Variants in UVRAG observed in about 807,000 individuals in gnomAD.
The protein encoded by UVRAG is UV radiation resistance associated.
In UVRAG, 19 loss-of-function variants were observed where a neutral mutation model predicts 78.0. The ratio of observed to expected loss-of-function variants is 0.24; its 90% CI spans 0.17 to 0.36. UVRAG has a LOEUF of 0.36. UVRAG is among the 10% of genes least tolerant of loss of function. The pLI is 1.00. For missense variants in UVRAG, 740 were observed against 853.8 expected (o/e 0.87, Z 1.66); for synonymous variants, 323 against 324.6 (o/e 1.00, Z 0.05).
intron 4 of UVRAG, among the ~76,000 whole-genome samples, chr11:75,880,737 T>G (rs1946923212): frequency 6.6e-6 from 1 of 151,692 alleles, no homozygotes. Context: ...TGTATTTTAG[T>G]AGAGACAGGG....
intron 13 of UVRAG, among the ~76,000 whole-genome samples, chr11:76,097,773 A>T (rs1323862976): frequency 6.6e-6 from 1 of 152,210 alleles, no homozygotes; most frequent in East Asian, 1.9e-4. Flanking sequence ...TTGTTACCAT[A>T]GCTAGTTTAT....
At chr11:75,822,009 A>G (rs1352773809) in intron 1 of UVRAG, among the ~76,000 whole-genome samples, 5 of 149,832 alleles carry the variant, frequency 3.3e-5, no homozygotes, top group East Asian at 2.0e-4. Context: ...CAATGGCACA[A>G]TGTCAGCTCA....
intron 6 of UVRAG, among the ~76,000 whole-genome samples, chr11:75,955,585 T>G (rs1284553431): frequency 2.0e-5 from 3 of 152,106 alleles, no homozygotes; most frequent in Non-Finnish European, 4.4e-5. Flanking sequence ...TCTGTGAGTT[T>G]TGGTGTACTC....
At chr11:76,114,629 A>G (rs6592627) in intron 13 of UVRAG, among the ~76,000 whole-genome samples, 15,857 of 152,264 alleles carry the variant, frequency 0.1, 1,927 homozygotes, top group African/African-American at 0.3. Flanking sequence ...CAAACCATTC[A>G]GGAGACCCAG....
chr11:75,888,876 A>G lies in UVRAG; in HGVS notation c.480A>G (p.Gly160=), dbSNP rs147603771. 743 of 1,613,728 alleles carry G rather than the reference A, an allele frequency of 4.6e-4. 2 individuals are homozygous for G. Among genetic ancestry groups the G allele is most frequent in the Non-Finnish European group, 6.0e-4 (713 of 1,179,850 alleles). Residue 160 remains glycine (G), a synonymous_variant, in exon 5 of 15, where the codon GGA becomes GGG. Coordinates refer to ENST00000356136, the MANE Select transcript of UVRAG (RefSeq NM_003369.4). The stretch of plus-strand genomic sequence containing the variant: ...AAATAATTTTTGGGCTGAATGATGG[A>G]TACTATGGTGCTCCATTTGAACATA... ...QNEIIFGLND[G]YYGAPFEHKG... is the part of the protein sequence containing the mutation.
At chr11:76,005,186 A>G (rs899325222) in intron 9 of UVRAG, among the ~76,000 whole-genome samples, 1 of 152,188 alleles carries the variant, frequency 6.6e-6, no homozygotes, top group African/African-American at 2.4e-5. Flanking sequence ...TACTAAAAAT[A>G]CAAAAAATTA....
chr11:75,864,744 G>T (rs1166726409), intron 3 of UVRAG, among the ~76,000 whole-genome samples: 1 of 152,208 alleles, frequency 6.6e-6, no homozygotes, highest in East Asian at 1.9e-4. Flanking sequence ...TCCTGAAACT[G>T]CAAATCTTCA....
At chr11:75,922,579 A>C (rs1278448794) in intron 6 of UVRAG, among the ~76,000 whole-genome samples, 1 of 152,236 alleles carries the variant, frequency 6.6e-6, no homozygotes, top group Non-Finnish European at 1.5e-5. Flanking sequence ...AGTAATAGGC[A>C]TTGTGACCAT....
intron 7 of UVRAG, among the ~76,000 whole-genome samples, chr11:75,963,278 A>G (rs894840795): frequency 2.5e-4 from 38 of 152,204 alleles, no homozygotes; most frequent in African/African-American, 8.7e-4. Context: ...TAGGTGCTCA[A>G]TAAGTATTTG....
chr11:76,119,264 C>G (rs1952235276), intron 14 of UVRAG, among the ~76,000 whole-genome samples: 1 of 152,198 alleles, frequency 6.6e-6, no homozygotes, highest in African/African-American at 2.4e-5. Context: ...TCCTGGCTTT[C>G]TGCTTCTAGC....
At chr11:76,045,632 G>A (rs1950737468) in intron 12 of UVRAG, among the ~76,000 whole-genome samples, 1 of 150,570 alleles carries the variant, frequency 6.6e-6, no homozygotes, top group Admixed American at 6.6e-5. Flanking sequence ...GATGAAGCGT[G>A]GCAAATTAAA....
intron 14 of UVRAG, among the ~76,000 whole-genome samples, chr11:76,125,041 C>G (rs545488056): frequency 6.6e-6 from 1 of 152,218 alleles, no homozygotes; most frequent in Admixed American, 6.5e-5. Context: ...CAGATCTACT[C>G]TCTTCCTTTC....
intron 7 of UVRAG, chr11:75,979,661 T>C (rs963338093): frequency 6.5e-6 from 1 of 153,004 alleles, no homozygotes; most frequent in Non-Finnish European, 1.5e-5. Flanking sequence ...TCCGTGGGCG[T>C]GGGACCCTCT....
intron 6 of UVRAG, among the ~76,000 whole-genome samples, chr11:75,957,571 A>G (rs1023003052): frequency 1.1e-4 from 16 of 151,056 alleles, no homozygotes; most frequent in African/African-American, 3.6e-4. Flanking sequence ...AATTTCTGTC[A>G]AAAAAAAATC....
intron 13 of UVRAG, among the ~76,000 whole-genome samples, chr11:76,113,644 T>A (rs890473286): frequency 6.6e-6 from 1 of 152,140 alleles, no homozygotes; most frequent in Non-Finnish European, 1.5e-5. Context: ...GAGTTCCCTA[T>A]GTGGAAAATT....
At chr11:75,966,359 G>C (rs74953714) in intron 7 of UVRAG, among the ~76,000 whole-genome samples, 10,929 of 152,094 alleles carry the variant, frequency 0.072, 703 homozygotes, top group African/African-American at 0.17. Context: ...TTTGAATTGC[G>C]TTTTCAGATT....
chr11:76,104,656 C>T (rs186352844), intron 13 of UVRAG, among the ~76,000 whole-genome samples: 2 of 152,266 alleles, frequency 1.3e-5, no homozygotes, highest in Non-Finnish European at 2.9e-5. Context: ...GCATGTATCT[C>T]CATTTCTGCC....
At chr11:75,856,915 C>T (rs890193781) in intron 2 of UVRAG, among the ~76,000 whole-genome samples, 8 of 152,262 alleles carry the variant, frequency 5.3e-5, no homozygotes, top group African/African-American at 1.9e-4. Flanking sequence ...CTGTATTCTT[C>T]CTTATATCAG....
chr11:76,135,033 AG>A (rs1952576659), intron 14 of UVRAG, among the ~76,000 whole-genome samples: 1 of 152,112 alleles, frequency 6.6e-6, no homozygotes, highest in Admixed American at 6.5e-5. Flanking sequence ...TGTACATTTG[AG>A]GGATCTAGGT....
Sources: gnomAD v4.1 joint callset for allele counts (sites outside exome capture counted in the v4.1 genomes callset) on GRCh38, gnomAD v4.1.1 for gene constraint, MANE v1.5 for transcripts, NCBI Gene and HGNC (gene_info 2026-07-23, HGNC 2026-07-21) for gene names.